Variants in SEMA3C observed in about 807,000 individuals in gnomAD.
The protein encoded by SEMA3C is semaphorin-3C.
SEMA3C carries 47 observed loss-of-function variants against 89.4 expected under a neutral mutation model. That is an observed-to-expected ratio of 0.53 (90% CI 0.42 to 0.67). SEMA3C has a LOEUF of 0.67. Among genes scored for constraint, SEMA3C ranks in the 30% least tolerant of loss-of-function variants. The probability of loss-of-function intolerance (pLI) is 0.00; values close to 1 mark genes in which losing one functional copy is unlikely to be tolerated. For missense variants in SEMA3C, 839 were observed against 929.1 expected (o/e 0.90, Z 1.26); for synonymous variants, 310 against 320.2 (o/e 0.97, Z 0.34).
intron 4 of SEMA3C, among the ~76,000 whole-genome samples, chr7:80,818,666 T>C (rs10954358): frequency 9.9e-6 from 1 of 101,204 alleles, no homozygotes; most frequent in Non-Finnish European, 2.3e-5. Context: ...AAAATAAAAA[T>C]AAAAATCCCC....
intron 6 of SEMA3C, among the ~76,000 whole-genome samples, chr7:80,807,561 C>A (rs916521642): frequency 2.0e-5 from 3 of 152,086 alleles, no homozygotes; most frequent in African/African-American, 7.2e-5. Flanking sequence ...TAAACTTGTG[C>A]CTTTTAGCTT....
At chr7:80,846,685 C>T (rs1190349896) in intron 2 of SEMA3C, among the ~76,000 whole-genome samples, 1 of 152,110 alleles carries the variant, frequency 6.6e-6, no homozygotes, top group Non-Finnish European at 1.5e-5. Flanking sequence ...AAAGACTGTC[C>T]TGATTCTCCT....
At chr7:80,828,902 C>T (rs1789944661) in intron 2 of SEMA3C, among the ~76,000 whole-genome samples, 157 bp from the exon 3 acceptor site, 1 of 152,024 alleles carries the variant, frequency 6.6e-6, no homozygotes, top group South Asian at 2.1e-4. Flanking sequence ...GGGCTAGTTC[C>T]CTGTAATCTC....
At chr7:80,827,390 G>A in intron 4 of SEMA3C, 35 bp downstream of exon 4, 1 of 1,008,046 alleles carries the variant, frequency 9.9e-7, no homozygotes, top group Non-Finnish European at 1.4e-6. Flanking sequence ...ATTTAAGTTA[G>A]TGTTTTTTTT....
chr7:80,849,445 T>C (rs982223905), intron 2 of SEMA3C, among the ~76,000 whole-genome samples: 1 of 151,846 alleles, frequency 6.6e-6, no homozygotes, highest in African/African-American at 2.4e-5. Context: ...TAAGTTTCTT[T>C]TATCATTATC....
At chr7:80,884,838 A>G (rs1218096408) in intron 2 of SEMA3C, among the ~76,000 whole-genome samples, 1 of 152,226 alleles carries the variant, frequency 6.6e-6, no homozygotes, top group Non-Finnish European at 1.5e-5. Flanking sequence ...CAAATCAAAA[A>G]CCAGGTTGTG....
At chr7:80,833,842 G>A (rs1790066312) in intron 2 of SEMA3C, among the ~76,000 whole-genome samples, 1 of 151,810 alleles carries the variant, frequency 6.6e-6, no homozygotes. Flanking sequence ...AATGACCCAA[G>A]AATCTATCAT....
chr7:80,795,735 C>A (rs562451695), intron 11 of SEMA3C, among the ~76,000 whole-genome samples: 1 of 152,126 alleles, frequency 6.6e-6, no homozygotes, highest in African/African-American at 2.4e-5. Context: ...GTTAAGGTGC[C>A]TTTTAAGTTG....
At chr7:80,808,707 A>G (rs1394622295) in intron 6 of SEMA3C, among the ~76,000 whole-genome samples, 1 of 152,216 alleles carries the variant, frequency 6.6e-6, no homozygotes, top group Non-Finnish European at 1.5e-5. Context: ...ATACATTAAA[A>G]AAAAGCAAAG....
intron 2 of SEMA3C, among the ~76,000 whole-genome samples, chr7:80,910,651 GTTCT>G (rs1375479624): frequency 7.1e-6 from 1 of 140,148 alleles, no homozygotes; most frequent in Non-Finnish European, 1.5e-5. Context: ...CCCAATGCTC[GTTCT>G]TTTTTTTTTT....
rs1226323687 is a variant in SEMA3C, at chr7:80,906,648, T to TAA, written c.103+10030_103+10031insTT. Among the ~76,000 whole-genome samples, 6 of 152,326 alleles carry TAA rather than the reference T, an allele frequency of 3.9e-5. 1 individual carries two copies. In the East Asian group the frequency reaches 1.2e-3, roughly 29 times the overall value. ...AGTATCTGAAATGTCTACATATAAT[T>TAA]ATGCGTATTAAAAGTGTTGAATACA... is the stretch of plus-strand genomic sequence containing the variant. On this transcript the variant is annotated intron_variant, in intron 2 of 17. Coordinates refer to ENST00000265361, the MANE Select transcript of SEMA3C (RefSeq NM_006379.5).
At chr7:80,754,964 T>G (rs112389138) in intron 15 of SEMA3C, among the ~76,000 whole-genome samples, 11 of 129,188 alleles carry the variant, frequency 8.5e-5, no homozygotes, top group African/African-American at 1.7e-4. Context: ...TTTGTTTTTT[T>G]TTTTTTTGTA....
intron 12 of SEMA3C, among the ~76,000 whole-genome samples, chr7:80,783,911 T>G (rs1012894247): frequency 1.3e-5 from 2 of 152,164 alleles, no homozygotes; most frequent in Non-Finnish European, 2.9e-5. Flanking sequence ...TATATAAGAA[T>G]GTTAGCAGAA....
chr7:80,771,942 A>G (rs1406079257), intron 12 of SEMA3C, among the ~76,000 whole-genome samples: 2 of 152,196 alleles, frequency 1.3e-5, no homozygotes, highest in Non-Finnish European at 2.9e-5. Context: ...AAATTACTGC[A>G]AAATGATTAG....
At chr7:80,768,403 A>G (rs1179037960) in intron 12 of SEMA3C, among the ~76,000 whole-genome samples, 1 of 152,090 alleles carries the variant, frequency 6.6e-6, no homozygotes, top group East Asian at 1.9e-4. Context: ...AGTCCTAGCT[A>G]CGCGGGAGGC....
intron 2 of SEMA3C, among the ~76,000 whole-genome samples, chr7:80,870,741 A>C (rs1791037156): frequency 2.0e-5 from 3 of 152,208 alleles, no homozygotes; most frequent in African/African-American, 7.2e-5. Flanking sequence ...ACCAGAGCCC[A>C]CATTCTTAAC....
intron 2 of SEMA3C, among the ~76,000 whole-genome samples, chr7:80,851,504 T>TAAAAAAAAAAAAA (rs35936052): frequency 2.9e-5 from 2 of 69,804 alleles, no homozygotes; most frequent in African/African-American, 5.2e-5. Context: ...CTCTTGTCTT[T>TAAAAAAAAAAAAA]AAAAAAAAAA....
At chr7:80,764,251 T>C (rs1788247550) in intron 13 of SEMA3C, among the ~76,000 whole-genome samples, 1 of 152,212 alleles carries the variant, frequency 6.6e-6, no homozygotes, top group Admixed American at 6.5e-5. Context: ...TACTCAGTCA[T>C]AGGCTGACTC....
At chr7:80,768,420 A>C (rs376018915) in intron 12 of SEMA3C, among the ~76,000 whole-genome samples, 14 of 152,178 alleles carry the variant, frequency 9.2e-5, no homozygotes, top group African/African-American at 3.4e-4. Context: ...AGGCTGAGGC[A>C]GGAGAATGGT....
Sources: gnomAD v4.1 joint callset for allele counts (sites outside exome capture counted in the v4.1 genomes callset) on GRCh38, gnomAD v4.1.1 for gene constraint, MANE v1.5 for transcripts, NCBI Gene and HGNC (gene_info 2026-07-23, HGNC 2026-07-21) for gene names.